UNC79: variants seen among roughly 807,000 people sequenced by gnomAD.
UNC79 encodes the protein protein unc-79 homolog.
A neutral mutation model predicts 283.1 loss-of-function variants in UNC79; 37 were observed. The ratio of observed to expected loss-of-function variants is 0.13; its 90% CI spans 0.10 to 0.17. UNC79 has a LOEUF of 0.17. UNC79 is among the 10% of genes least tolerant of loss of function. The pLI, the probability that UNC79 is intolerant of heterozygous loss-of-function variation, is 1.00. For synonymous variants in UNC79, 1,107 were observed against 1,200.2 expected, an observed-to-expected ratio of 0.92 and a Z score of 1.61; for missense variants, 2,272 against 3,211.1, an observed-to-expected ratio of 0.71 and a Z score of 7.07.
At chr14:93,562,348 C>T (rs1336545079) in intron 14 of UNC79, among the ~76,000 whole-genome samples, 2 of 152,196 alleles carry the variant, frequency 1.3e-5, no homozygotes, top group African/African-American at 2.4e-5. Flanking sequence ...GGCAAATTTC[C>T]TGTCTATCCT....
At chr14:93,454,174 C>T (rs575614319) in intron 1 of UNC79, among the ~76,000 whole-genome samples, 8 of 151,818 alleles carry the variant, frequency 5.3e-5, no homozygotes, top group Admixed American at 5.3e-4. Flanking sequence ...TCCCAAGTAG[C>T]TGGGACTACA....
intron 41 of UNC79, among the ~76,000 whole-genome samples, chr14:93,681,462 G>A (rs2073840032): frequency 6.6e-6 from 1 of 152,202 alleles, no homozygotes; most frequent in Non-Finnish European, 1.5e-5. Context: ...ATAATATGCT[G>A]GTTTCTGTTC....
intron 1 of UNC79, among the ~76,000 whole-genome samples, chr14:93,404,493 A>AAAAAAAAAATATATAT: frequency 1.6e-4 from 10 of 61,498 alleles, no homozygotes; most frequent in East Asian, 1.1e-3. Flanking sequence ...TTCTAAAAAA[A>AAAAAAAAAATATATAT]ATATATATAT....
At chr14:93,490,524 C>G (rs2058673055) in intron 5 of UNC79, among the ~76,000 whole-genome samples, 1 of 152,208 alleles carries the variant, frequency 6.6e-6, no homozygotes, top group Non-Finnish European at 1.5e-5. Flanking sequence ...TTATCACTCA[C>G]AAGTTCTACC....
At chr14:93,584,728 A>G (rs1403272644) in intron 20 of UNC79, among the ~76,000 whole-genome samples, 1 of 152,058 alleles carries the variant, frequency 6.6e-6, no homozygotes, top group Non-Finnish European at 1.5e-5. Flanking sequence ...ACAGGGTCTT[A>G]CTGTGTTGCC....
At chr14:93,467,875 G>T in intron 2 of UNC79, 84 bp downstream of exon 2, 2 of 1,395,112 alleles carry the variant, frequency 1.4e-6, no homozygotes, top group Non-Finnish European at 1.9e-6. Context: ...TTATTGAATT[G>T]CAAGTTTTAA....
Position 93,621,182 on chromosome 14 carries a change from A to G in UNC79, c.4388-439A>G. 1 of 324,072 alleles carries G rather than the reference A, an allele frequency of 3.1e-6. No individual in the cohort carries two copies. The highest frequency in any genetic ancestry group is 6.1e-6 in the Non-Finnish European group (1 of 164,190). 20.1% of individuals were successfully genotyped at this position (324,072 alleles called of 1,614,324 possible). A position where few individuals can be genotyped will look rare whatever the true frequency, so the allele number is the denominator to read the frequency against. Reference sequence around the variant, plus strand: ...ATATGTATGCACAAACAGTATATATATATACACATTTATATATATACGTGA... The same window carrying G: ...ATATGTATGCACAAACAGTATATATGTATACACATTTATATATATACGTGA... On this transcript the variant is annotated intron_variant, in intron 29 of 48. Coordinates refer to ENST00000555664, the Ensembl canonical transcript of UNC79. This position sits in a 1 kb window ranked among gnomAD's most constrained non-coding sequence, Gnocchi z 4.8.
intron 14 of UNC79, among the ~76,000 whole-genome samples, chr14:93,561,338 G>A (rs1043215893): frequency 6.6e-6 from 1 of 152,252 alleles, no homozygotes; most frequent in African/African-American, 2.4e-5. Flanking sequence ...TTTAAAGTAA[G>A]TGTGGAGGAG....
upstream of UNC79, among the ~76,000 whole-genome samples, chr14:93,429,802 T>G (rs1240247370): frequency 2.0e-5 from 3 of 152,200 alleles, no homozygotes; most frequent in Non-Finnish European, 4.4e-5. Flanking sequence ...GGTTGGGGAT[T>G]GTGCCGTACT....
chr14:93,437,582 T>G (rs961394843), intron 1 of UNC79: 3 of 152,260 alleles, frequency 2.0e-5, no homozygotes, highest in African/African-American at 7.2e-5. Context: ...TAGCACAGAC[T>G]AGGTGGTGTA....
Position 93,511,511 on chromosome 14 carries a change from G to A in UNC79, c.899-12467G>A, listed in dbSNP as rs539820092. ...TCACCAGGCTGGAGTGTTGTGGTGCGATCTCGGCTCACTGCAGCCTCTGCC... is the reference window on the plus strand; with the variant it reads ...TCACCAGGCTGGAGTGTTGTGGTGCAATCTCGGCTCACTGCAGCCTCTGCC... On this transcript the variant is annotated intron_variant, in intron 7 of 48. Transcript: ENST00000555664. Among the ~76,000 whole-genome samples the A allele has an allele frequency of 7.9e-5, 12 of 152,050 alleles. No homozygotes were observed. In the South Asian group the frequency reaches 1.5e-3, roughly 18 times the overall value.
intron 26 of UNC79, among the ~76,000 whole-genome samples, chr14:93,611,974 C>A (rs2066344080): frequency 6.6e-6 from 1 of 152,114 alleles, no homozygotes; most frequent in Non-Finnish European, 1.5e-5. Flanking sequence ...CAAAGAGAGA[C>A]AAGGTAACTT....
At chr14:93,598,382 GT>G (rs2065235869) in intron 24 of UNC79, among the ~76,000 whole-genome samples, 2 of 151,496 alleles carry the variant, frequency 1.3e-5, no homozygotes, top group African/African-American at 2.4e-5. Context: ...GTGTGTGTGT[GT>G]GTGTGTGTGT....
chr14:93,556,778 C>T (rs896815344), intron 14 of UNC79, among the ~76,000 whole-genome samples: 2 of 152,066 alleles, frequency 1.3e-5, no homozygotes, highest in Non-Finnish European at 2.9e-5. Flanking sequence ...TATAGCTTGG[C>T]TATCCCCTTT....
At chr14:93,625,725 A>G (rs1242814133) in intron 30 of UNC79, among the ~76,000 whole-genome samples, 1 of 152,158 alleles carries the variant, frequency 6.6e-6, no homozygotes, top group East Asian at 1.9e-4. Flanking sequence ...ACTCAAGGCT[A>G]TCAATGTAAT....
upstream of UNC79, among the ~76,000 whole-genome samples, chr14:93,425,832 A>T (rs762449104): frequency 1.3e-5 from 2 of 152,212 alleles, no homozygotes; most frequent in Non-Finnish European, 2.9e-5. Flanking sequence ...AGAGAAAAAG[A>T]TTGGTAGGCT....
At position 93,621,813 on chromosome 14, in the gene UNC79, A is replaced by G; in HGVS notation, c.4580A>G (p.Asp1527Gly). 1 of 1,614,164 alleles carries G rather than the reference A, an allele frequency of 6.2e-7. No individual in the cohort carries two copies. Among genetic ancestry groups the G allele is most frequent in the African/African-American group, 1.3e-5 (1 of 75,038 alleles). ...AGGAAGTCGTGCATAGATCGGTGTG[A>G]CATAGAGAAGCCTCCGACCCAAGCT... Residue 1527 changes from aspartate (D) to glycine (G), a missense_variant, in exon 30 of 49, where the codon GAC (aspartate) becomes GGC (glycine). Asp to Gly is a moderately conservative substitution (Grantham distance 94, BLOSUM62 -1). Transcript: ENST00000555664. The surrounding 1 kb of genome is among the most constrained non-coding windows in gnomAD (Gnocchi z 4.8).
chr14:93,598,922 C>A (rs1472281365), intron 24 of UNC79, among the ~76,000 whole-genome samples: 2 of 152,106 alleles, frequency 1.3e-5, no homozygotes, highest in African/African-American at 4.8e-5. Flanking sequence ...AAATATGAGA[C>A]CTGGAGAGAG....
chr14:93,481,686 A>G lies in UNC79; in HGVS notation c.619+3958A>G, dbSNP rs560264707. On this transcript the variant is annotated intron_variant, in intron 4 of 48. Coordinates refer to ENST00000555664, the Ensembl canonical transcript of UNC79. ...TGCGTGACTTACCATTTTTTGTTCT[A>G]TTCCTACTACTACAGAGGGTGCATG... is the stretch of plus-strand genomic sequence containing the variant. Among the ~76,000 whole-genome samples, 291 of 152,236 alleles carry G rather than the reference A, an allele frequency of 1.9e-3. 2 individuals are homozygous for G. The highest frequency in any genetic ancestry group is 6.6e-3 in the African/African-American group (276 of 41,560).
Sources: gnomAD v4.1 joint callset for allele counts (sites outside exome capture counted in the v4.1 genomes callset) on GRCh38, gnomAD v4.1.1 for gene constraint, Gnocchi (gnomAD v3.1) non-coding constraint, MANE v1.5 for transcripts, NCBI Gene and HGNC (gene_info 2026-07-23, HGNC 2026-07-21) for gene names.